The following GDAP1 variants were observed in gnomAD, a reference collection of about 807,000 sequenced individuals.
The protein encoded by GDAP1 is ganglioside induced differentiation associated protein 1.
GDAP1 carries 34 observed loss-of-function variants against 40.1 expected under a neutral mutation model. That is an observed-to-expected ratio of 0.85 (90% CI 0.64 to 1.13). The LOEUF (loss-of-function observed/expected upper bound fraction) is 1.13. Among genes scored for constraint, GDAP1 ranks in the 50% most tolerant of loss-of-function variants. The pLI, the probability that GDAP1 is intolerant of heterozygous loss-of-function variation, is 0.00. For synonymous variants in GDAP1, 170 were observed against 157.4 expected, an observed-to-expected ratio of 1.08 and a Z score of -0.60; for missense variants, 374 against 433.7, an observed-to-expected ratio of 0.86 and a Z score of 1.22.
In GDAP1 at chr8:74,444,901, T is replaced by C. The variant is rs11998447; in HGVS notation, c.166-43777T>C. On this transcript the variant is annotated intron_variant, in intron 2 of 2. Coordinates refer to the GDAP1 transcript ENST00000523640. ...TTAAAACAGCATCTATTATGCTCAC[T>C]GATTTATCAGAAAGCATAATTTGCT... Among the ~76,000 whole-genome samples, 519 of 152,352 alleles carry C rather than the reference T, an allele frequency of 3.4e-3. 1 individual carries two copies. Among genetic ancestry groups the C allele is most frequent in the African/African-American group, 0.012 (493 of 41,594 alleles).
At chr8:74,477,759 C>A (rs1449376581) in intron 2 of GDAP1, among the ~76,000 whole-genome samples, 1 of 152,188 alleles carries the variant, frequency 6.6e-6, no homozygotes, top group East Asian at 1.9e-4. Context: ...AATCTGTCTT[C>A]ATTCACATAT....
At chr8:74,353,970 C>CT (rs1808991949) in intron 2 of GDAP1, among the ~76,000 whole-genome samples, 1 of 152,030 alleles carries the variant, frequency 6.6e-6, no homozygotes, top group African/African-American at 2.4e-5. Flanking sequence ...AAAAAACTGT[C>CT]TATTATGTGC....
intron 2 of GDAP1, among the ~76,000 whole-genome samples, chr8:74,393,121 T>A (rs1810137385): frequency 6.6e-6 from 1 of 152,192 alleles, no homozygotes; most frequent in African/African-American, 2.4e-5. Flanking sequence ...AATTGCATCA[T>A]ATGGGGTAAT....
intron 1 of GDAP1, among the ~76,000 whole-genome samples, 175 bp from the exon 2 acceptor site, chr8:74,351,099 T>C (rs1214569269): frequency 2.0e-5 from 3 of 152,200 alleles, no homozygotes; most frequent in Admixed American, 2.0e-4. Context: ...CTTCTCTTAA[T>C]TTGTTGAGTA....
At chr8:74,401,015 CT>C (rs1316882795) in intron 2 of GDAP1, among the ~76,000 whole-genome samples, 1 of 149,542 alleles carries the variant, frequency 6.7e-6, no homozygotes, top group African/African-American at 2.6e-5. Flanking sequence ...TTTGGTGAAT[CT>C]GACAATTATG....
intron 2 of GDAP1, among the ~76,000 whole-genome samples, chr8:74,482,281 C>A (rs573846505): frequency 3.9e-5 from 6 of 152,180 alleles, no homozygotes; most frequent in African/African-American, 1.4e-4. Flanking sequence ...GAATATAGTT[C>A]CTCAGTATTT....
At chr8:74,355,068 A>G (rs1432686133) in intron 2 of GDAP1, among the ~76,000 whole-genome samples, 1 of 152,192 alleles carries the variant, frequency 6.6e-6, no homozygotes, top group Admixed American at 6.5e-5. Flanking sequence ...CTATCCTTGT[A>G]CTTTCGGGAT....
chr8:74,413,897 A>G (rs1472224009), intron 2 of GDAP1, among the ~76,000 whole-genome samples: 4 of 149,734 alleles, frequency 2.7e-5, no homozygotes, highest in Admixed American at 1.3e-4. Context: ...AGAGAGGGAG[A>G]ACTTTGAGAA....
chr8:74,468,915 G>A (rs917973933), intron 2 of GDAP1, among the ~76,000 whole-genome samples: 1 of 152,084 alleles, frequency 6.6e-6, no homozygotes, highest in Non-Finnish European at 1.5e-5. Flanking sequence ...GCATAATGCT[G>A]ACTTTGGGCA....
chr8:74,420,876 A>T (rs185253953), intron 2 of GDAP1, among the ~76,000 whole-genome samples: 2 of 151,986 alleles, frequency 1.3e-5, no homozygotes, highest in Admixed American at 6.6e-5. Flanking sequence ...GTTCTGGGGT[A>T]CATGTGCCAT....
intron 2 of GDAP1, among the ~76,000 whole-genome samples, chr8:74,386,569 G>A (rs2131540800): frequency 6.6e-6 from 1 of 152,288 alleles, no homozygotes; most frequent in East Asian, 1.9e-4. Context: ...CCAGTACCAT[G>A]CGATTTTTGT....
chr8:74,356,509 A>G (rs1442192701), intron 2 of GDAP1, among the ~76,000 whole-genome samples: 14 of 151,916 alleles, frequency 9.2e-5, no homozygotes. Flanking sequence ...AACTGATATA[A>G]TTTGACACCG....
At chr8:74,439,554 G>T (rs1806135443) in intron 2 of GDAP1, among the ~76,000 whole-genome samples, 1 of 150,176 alleles carries the variant, frequency 6.7e-6, no homozygotes, top group East Asian at 2.0e-4. Context: ...TTGCAACATT[G>T]TATTTCTTTA....
chr8:74,402,563 G>C (rs1229192810), intron 2 of GDAP1, among the ~76,000 whole-genome samples: 1 of 150,310 alleles, frequency 6.7e-6, no homozygotes, highest in Middle Eastern at 3.4e-3. Context: ...TGCACCCACT[G>C]TCCTGCGCCC....
intron 2 of GDAP1, among the ~76,000 whole-genome samples, chr8:74,394,754 G>A (rs1428139262): frequency 6.6e-6 from 1 of 152,120 alleles, no homozygotes; most frequent in Admixed American, 6.5e-5. Context: ...AAGCTAAGCT[G>A]GGGATTAGGA....
At chr8:74,395,470 A>G (rs1158379470) in intron 2 of GDAP1, among the ~76,000 whole-genome samples, 1 of 152,184 alleles carries the variant, frequency 6.6e-6, no homozygotes, top group Non-Finnish European at 1.5e-5. Context: ...GAAGAGAAAT[A>G]ATCAATCCCT....
In GDAP1 at chr8:74,373,499, A is replaced by G. The variant is rs1468143736; in HGVS notation, c.165+22178A>G. ...TCCCTTGTAAATTGGATTCCTAGGT[A>G]TTTTATTCTCTTTGAAGCAATTGTG... On this transcript the variant is annotated intron_variant, in intron 2 of 2. Coordinates refer to the GDAP1 transcript ENST00000523640. Among the ~76,000 whole-genome samples the G allele has an allele frequency of 5.3e-5, 8 of 152,084 alleles. No individual in the cohort carries two copies. In the East Asian group the frequency reaches 1.4e-3, roughly 26 times the overall value.
chr8:74,392,902 A>G (rs994965970), intron 2 of GDAP1, among the ~76,000 whole-genome samples: 1 of 152,244 alleles, frequency 6.6e-6, no homozygotes, highest in Admixed American at 6.5e-5. Flanking sequence ...CTGAGTTTAC[A>G]TTAGCCAGAA....
At position 74,351,459 on chromosome 8, in the gene GDAP1, C is replaced by T; in HGVS notation, c.303C>T (p.Phe101=). ...TCATTGATTATCTTGAACAGACTTT[C>T]CTGGATGGTAATGTTAAGGCTACTT... ...TQIIDYLEQT[F]LDERTPRLMP... The change falls in exon 2 of 6, where the codon TTC becomes TTT. Residue 101 remains phenylalanine (F), a synonymous_variant. Transcript: ENST00000220822. 6.2e-7 allele frequency: 1 copy of T among 1,611,012 alleles called. No homozygotes were observed. Among genetic ancestry groups the T allele is most frequent in the Non-Finnish European group, 8.5e-7 (1 of 1,177,180 alleles).
Sources: allele counts gnomAD v4.1 joint callset (sites outside exome capture counted in the v4.1 genomes callset), GRCh38; gene constraint gnomAD v4.1.1; transcripts MANE v1.5; gene names NCBI Gene and HGNC (gene_info 2026-07-23, HGNC 2026-07-21).